EMILIN2: variants seen among roughly 807,000 people sequenced by gnomAD.
EMILIN2 encodes EMILIN-2.
In EMILIN2, 71 loss-of-function variants were observed where a neutral mutation model predicts 87.1. The ratio of observed to expected loss-of-function variants is 0.82; its 90% CI spans 0.67 to 0.99. The LOEUF (loss-of-function observed/expected upper bound fraction) is 0.99, where lower values mean the gene tolerates loss of function less well. EMILIN2 is among the 50% of genes least tolerant of loss of function. The pLI, the probability that EMILIN2 is intolerant of heterozygous loss-of-function variation, is 0.00. For missense variants in EMILIN2, 1,407 were observed against 1,371.8 expected (o/e 1.03, Z -0.40); for synonymous variants, 581 against 563.4 (o/e 1.03, Z -0.44).
At chr18:2,879,486 C>T (rs549443815) in intron 2 of EMILIN2, among the ~76,000 whole-genome samples, 23 of 152,010 alleles carry the variant, frequency 1.5e-4, no homozygotes, top group Admixed American at 7.2e-4. Context: ...TGGAGAAACC[C>T]GGTCTCTAAG....
intron 4 of EMILIN2, among the ~76,000 whole-genome samples, chr18:2,902,403 T>C (rs2076891680): frequency 6.6e-6 from 1 of 152,086 alleles, no homozygotes; most frequent in Non-Finnish European, 1.5e-5. Flanking sequence ...CCCCCAGAGG[T>C]TCATGTTGTT....
At chr18:2,882,367 A>G (rs2076781062) in intron 2 of EMILIN2, among the ~76,000 whole-genome samples, 1 of 151,990 alleles carries the variant, frequency 6.6e-6, no homozygotes, top group Non-Finnish European at 1.5e-5. Context: ...CCTTAAATCA[A>G]AACCTCTGAG....
intron 4 of EMILIN2, among the ~76,000 whole-genome samples, chr18:2,900,418 C>T (rs2144056368): frequency 6.6e-6 from 1 of 152,314 alleles, no homozygotes; most frequent in Non-Finnish European, 1.5e-5. Context: ...GAACTCTTGG[C>T]CTCAAGCAAT....
intron 5 of EMILIN2, among the ~76,000 whole-genome samples, chr18:2,907,713 G>A (rs1443659822): frequency 6.6e-6 from 1 of 152,212 alleles, no homozygotes; most frequent in Non-Finnish European, 1.5e-5. Context: ...TACCCACCAC[G>A]TGCCAGGGAC....
intron 2 of EMILIN2, among the ~76,000 whole-genome samples, chr18:2,856,957 T>C (rs1368694053): frequency 1.3e-5 from 2 of 152,210 alleles, no homozygotes; most frequent in Non-Finnish European, 2.9e-5. Context: ...CTTTCCTTCC[T>C]GTTTTAAAAT....
At chr18:2,899,805 A>G (rs563964853) in intron 4 of EMILIN2, among the ~76,000 whole-genome samples, 1 of 152,340 alleles carries the variant, frequency 6.6e-6, no homozygotes, top group East Asian at 1.9e-4. Context: ...CGCGCGGCCC[A>G]GCTTGTGAAT....
chr18:2,848,682 TG>T lies in EMILIN2; in HGVS notation c.257+756del, dbSNP rs10708607. ...ATTCAATTGTCATCAGGCAAGTCTT[TG>T]GGGGTTTTGTATCAGTCTGATACCG... On this transcript the variant is annotated intron_variant, in intron 2 of 7. Transcript: ENST00000254528. The surrounding 1 kb of genome is among the most constrained non-coding windows in gnomAD (Gnocchi z 4.1). Among the ~76,000 whole-genome samples, 152,244 of 152,244 alleles carry T rather than the reference TG, an allele frequency of 1. 76,122 individuals are homozygous for T. The highest frequency in any genetic ancestry group is 1 in the Non-Finnish European group (68,042 of 68,042).
At chr18:2,882,326 A>G (rs2076780971) in intron 2 of EMILIN2, among the ~76,000 whole-genome samples, 1 of 152,216 alleles carries the variant, frequency 6.6e-6, no homozygotes, top group African/African-American at 2.4e-5. Context: ...GAGCTTTCTA[A>G]CATCTGCATG....
At chr18:2,902,116 A>G (rs1211224265) in intron 4 of EMILIN2, among the ~76,000 whole-genome samples, 1 of 152,244 alleles carries the variant, frequency 6.6e-6, no homozygotes, top group East Asian at 1.9e-4. Context: ...CAGAATGATC[A>G]CTGTCCTATA....
At chr18:2,861,491 T>C (rs1192343639) in intron 2 of EMILIN2, among the ~76,000 whole-genome samples, 2 of 152,254 alleles carry the variant, frequency 1.3e-5, no homozygotes, top group Non-Finnish European at 2.9e-5. Flanking sequence ...AAATAGGGAA[T>C]CCTTTCCCCA....
At chr18:2,906,542 C>T (rs894567647) in intron 4 of EMILIN2, 3 of 357,266 alleles carry the variant, frequency 8.4e-6, no homozygotes, top group African/African-American at 6.4e-5. Flanking sequence ...CCGTCTGCGC[C>T]GGAGAGGCTG....
At chr18:2,874,201 A>G (rs1422300097) in intron 2 of EMILIN2, among the ~76,000 whole-genome samples, 1 of 152,050 alleles carries the variant, frequency 6.6e-6, no homozygotes, top group African/African-American at 2.4e-5. Context: ...AATAGTATGT[A>G]TTAGTAGTTG....
rs146468825 is a variant in EMILIN2, at chr18:2,892,020, T to C, written c.1893T>C (p.Asn631=). ...CTCATCTTCAAAAGGAAATGAGCAA[T>C]TGTAGAGCAGGTGAAAACGCTGGCA... The part of the protein sequence containing the change: ...DVTHLQKEMS[N]CRAGENAGMG... Residue 631 remains asparagine, a synonymous_variant, in exon 4 of 8, where the codon AAT becomes AAC. Transcript: ENST00000254528. 8 of 1,614,020 alleles carry C rather than the reference T, an allele frequency of 5.0e-6. No individual in the cohort carries two copies. The highest frequency in any genetic ancestry group is 6.8e-6 in the Non-Finnish European group (8 of 1,180,034).
chr18:2,858,583 G>GTGTGTGTGTGTGTGTATATATATATA (rs1180735843), intron 2 of EMILIN2, among the ~76,000 whole-genome samples: 2 of 63,042 alleles, frequency 3.2e-5, no homozygotes, highest in African/African-American at 1.9e-4. Context: ...GTGTGTGTGT[G>GTGTGTGTGTGTGTGTATATATATATA]TATATATATA....
Position 2,913,433 on chromosome 18 carries a change from T to TA in EMILIN2, c.*30dup. The TA allele has an allele frequency of 6.7e-7, 1 of 1,499,740 alleles. No individual in the cohort carries two copies. Among genetic ancestry groups the TA allele is most frequent in the Non-Finnish European group, 9.0e-7 (1 of 1,110,278 alleles). The allele number at this position is 1,499,740 out of a possible 1,614,324, so 92.9% of individuals were successfully genotyped here. On this transcript the variant is annotated 3_prime_UTR_variant, in exon 8 of 8. Transcript: ENST00000254528. Reference sequence around the variant, plus strand: ...GGCTGGGGAGATGTCAGGGGAAAGATAGATAGTTGTAAAAACTCTAAAGCT... The same window carrying TA: ...GGCTGGGGAGATGTCAGGGGAAAGATAAGATAGTTGTAAAAACTCTAAAGCT...
intron 4 of EMILIN2, among the ~76,000 whole-genome samples, chr18:2,899,824 A>C (rs1357606523): frequency 2.6e-5 from 4 of 152,216 alleles, no homozygotes; most frequent in Non-Finnish European, 5.9e-5. Flanking sequence ...ATTTCTAAAA[A>C]AAATTTAAAA....
intron 2 of EMILIN2, among the ~76,000 whole-genome samples, chr18:2,850,017 C>T (rs757810019): frequency 6.6e-6 from 1 of 151,128 alleles, no homozygotes; most frequent in Non-Finnish European, 1.5e-5. Flanking sequence ...ACAACTGCCT[C>T]CTGGGTTCAA....
chr18:2,860,303 G>C lies in EMILIN2; in HGVS notation c.257+12372G>C, dbSNP rs140653896. 8.0e-3 allele frequency among the ~76,000 whole-genome samples: 1,210 copies of C among 151,994 alleles called. 6 individuals carry two copies. Among genetic ancestry groups the C allele is most frequent in the Non-Finnish European group, 0.013 (855 of 67,964 alleles). The stretch of plus-strand genomic sequence containing the variant: ...GCACAATGTGTAGGTTCGTTACATA[G>C]GTATACATGTGCCGTGTTGGTGTGC... On this transcript the variant is annotated intron_variant, in intron 2 of 7. Transcript: ENST00000254528.
chr18:2,913,728 G>A lies in EMILIN2; in HGVS notation c.*324G>A, dbSNP rs2076953711. 3.7e-6 allele frequency: 1 copy of A among 272,334 alleles called. No individual in the cohort carries two copies. The highest frequency in any genetic ancestry group is 7.0e-6 in the Non-Finnish European group (1 of 143,408). The allele number at this position is 272,334 out of a possible 1,614,324, so 16.9% of individuals were successfully genotyped here. A position where few individuals can be genotyped will look rare whatever the true frequency, so the allele number is the denominator to read the frequency against. ...TGCCACAGAGGCTCCGTCTGACTGT[G>A]GGCTGGGAGGAGGGAGGCAGGGGAG... is the stretch of plus-strand genomic sequence containing the variant. On this transcript the variant is annotated 3_prime_UTR_variant, in exon 8 of 8. Transcript: ENST00000254528.
Sources: gnomAD v4.1 joint callset for allele counts (sites outside exome capture counted in the v4.1 genomes callset) on GRCh38, gnomAD v4.1.1 for gene constraint, Gnocchi (gnomAD v3.1) non-coding constraint, MANE v1.5 for transcripts, NCBI Gene and HGNC (gene_info 2026-07-23, HGNC 2026-07-21) for gene names.